Variants in NPAS3 observed in about 807,000 individuals in gnomAD.
NPAS3 encodes the protein neuronal PAS domain-containing protein 3.
A neutral mutation model predicts 73.1 loss-of-function variants in NPAS3; 14 were observed. The ratio of observed to expected loss-of-function variants is 0.19; its 90% CI spans 0.13 to 0.30. NPAS3 has a LOEUF of 0.30. Among genes scored for constraint, NPAS3 ranks in the 10% least tolerant of loss-of-function variants. The pLI, the probability that NPAS3 is intolerant of heterozygous loss-of-function variation, is 1.00. For missense variants in NPAS3, 1,096 were observed against 1,250.0 expected (o/e 0.88, Z 1.86); for synonymous variants, 620 against 541.5 (o/e 1.14, Z -2.01).
intron 9 of NPAS3, among the ~76,000 whole-genome samples, chr14:33,785,434 CAAAA>C (rs1223437695): frequency 0.021 from 1,575 of 75,360 alleles, 25 homozygotes; most frequent in African/African-American, 0.062. Flanking sequence ...GACTCCATCT[CAAAA>C]AAAAAAAAAA....
intron 2 of NPAS3, among the ~76,000 whole-genome samples, chr14:33,124,843 A>G (rs917737486): frequency 6.6e-6 from 1 of 152,094 alleles, no homozygotes; most frequent in East Asian, 1.9e-4. Flanking sequence ...GTGTTACAAG[A>G]AGAAAAGGGC....
Position 33,492,597 on chromosome 14 carries a change from TTTAGA to T in NPAS3, c.469-67523_469-67519del, listed in dbSNP as rs558378637. On this transcript the variant is annotated intron_variant, in intron 4 of 11. Transcript: ENST00000356141. ...TTCAAAGCAGTGGCCTTTCATCCCA[TTTAGA>T]ATGTAATATGTAAATAGGATACACA... Among the ~76,000 whole-genome samples the T allele has an allele frequency of 2.2e-4, 34 of 152,266 alleles. 3 individuals are homozygous for T. The highest frequency in any genetic ancestry group is 1.2e-4 in the African/African-American group (5 of 41,576).
At chr14:33,544,287 C>T (rs75836976) in intron 4 of NPAS3, among the ~76,000 whole-genome samples, 2,460 of 152,096 alleles carry the variant, frequency 0.016, 35 homozygotes, top group Middle Eastern at 0.041. Context: ...GGATTATAGG[C>T]ATGAGCCACT....
chr14:33,417,981 G>T (rs17101059), intron 4 of NPAS3, among the ~76,000 whole-genome samples: 26,330 of 151,848 alleles, frequency 0.17, 2,529 homozygotes, highest in Admixed American at 0.26. Context: ...CACGCTCATT[G>T]TTTTAGTGCT....
chr14:33,247,053 G>GA (rs939606064), intron 3 of NPAS3, among the ~76,000 whole-genome samples: 1 of 151,548 alleles, frequency 6.6e-6, no homozygotes, highest in Non-Finnish European at 1.5e-5. Context: ...AAGAAAGAAA[G>GA]AAAAAGAGAT....
chr14:33,320,806 G>A (rs1174665799), intron 3 of NPAS3, among the ~76,000 whole-genome samples: 1 of 152,174 alleles, frequency 6.6e-6, no homozygotes, highest in East Asian at 1.9e-4. Flanking sequence ...AGTAAGGCAT[G>A]TATTTGCTGA....
chr14:33,562,451 G>A (rs537012252), intron 5 of NPAS3, among the ~76,000 whole-genome samples: 1 of 152,280 alleles, frequency 6.6e-6, no homozygotes, highest in East Asian at 1.9e-4. Context: ...GGCAGAAACT[G>A]TCAAATATGC....
intron 5 of NPAS3, among the ~76,000 whole-genome samples, chr14:33,640,420 ACT>A (rs2058645890): frequency 6.6e-6 from 1 of 152,000 alleles, no homozygotes; most frequent in Non-Finnish European, 1.5e-5. Flanking sequence ...CATTTCTGAG[ACT>A]CTTTTATTCA....
chr14:33,572,100 CCTTTCA>C (rs1323040460), intron 5 of NPAS3, among the ~76,000 whole-genome samples: 1 of 152,012 alleles, frequency 6.6e-6, no homozygotes, highest in African/African-American at 2.4e-5. Flanking sequence ...ATTTCCCAAA[CCTTTCA>C]TAGGGTGGCT....
intron 2 of NPAS3, among the ~76,000 whole-genome samples, chr14:33,093,591 C>A (rs1025674556): frequency 1.3e-5 from 2 of 151,410 alleles, no homozygotes; most frequent in Non-Finnish European, 2.9e-5. Flanking sequence ...ACTAGAAATA[C>A]CATTTGACCC....
At chr14:33,754,509 A>G (rs1049505312) in intron 7 of NPAS3, among the ~76,000 whole-genome samples, 1 of 152,144 alleles carries the variant, frequency 6.6e-6, no homozygotes, top group Non-Finnish European at 1.5e-5. Context: ...TCAGCCTCAG[A>G]GTGCTGGCTC....
chr14:33,101,681 G>A (rs920156886), intron 2 of NPAS3, among the ~76,000 whole-genome samples: 1 of 152,030 alleles, frequency 6.6e-6, no homozygotes, highest in African/African-American at 2.4e-5. Flanking sequence ...TGGGATCTGA[G>A]CCAACACCAT....
intron 2 of NPAS3, among the ~76,000 whole-genome samples, chr14:33,183,528 C>A (rs2045880664): frequency 7.0e-6 from 1 of 142,254 alleles, no homozygotes. Flanking sequence ...AATCTAAGCC[C>A]AGGGCTTAAA....
At chr14:33,605,941 G>A (rs1282460254) in intron 5 of NPAS3, among the ~76,000 whole-genome samples, 1 of 152,128 alleles carries the variant, frequency 6.6e-6, no homozygotes, top group Non-Finnish European at 1.5e-5. Context: ...AACAAAGTTT[G>A]AGGACTGACA....
upstream of NPAS3, among the ~76,000 whole-genome samples, chr14:32,935,387 AG>A (rs1660713862): frequency 6.6e-6 from 1 of 152,190 alleles, no homozygotes; most frequent in South Asian, 2.1e-4. Context: ...ACGGACAGCT[AG>A]GGGGGCAATT....
At chr14:33,691,839 A>T (rs556184171) in intron 6 of NPAS3, among the ~76,000 whole-genome samples, 64 of 152,290 alleles carry the variant, frequency 4.2e-4, no homozygotes, top group Admixed American at 1.1e-3. Flanking sequence ...AAATTTTTTT[A>T]AAATAGATAA....
chr14:33,516,810 G>A (rs2053322324), intron 4 of NPAS3, among the ~76,000 whole-genome samples: 1 of 152,072 alleles, frequency 6.6e-6, no homozygotes, highest in Non-Finnish European at 1.5e-5. Context: ...TTCTCATAAA[G>A]CATTCCTATG....
intron 4 of NPAS3, among the ~76,000 whole-genome samples, chr14:33,436,355 G>A (rs987538380): frequency 2.0e-5 from 3 of 152,168 alleles, no homozygotes; most frequent in Non-Finnish European, 2.9e-5. Flanking sequence ...CTAATTAAGG[G>A]GATCAAGGGG....
chr14:33,408,484 C>T (rs1238624621), intron 4 of NPAS3, among the ~76,000 whole-genome samples: 2 of 151,958 alleles, frequency 1.3e-5, no homozygotes, highest in Non-Finnish European at 2.9e-5. Context: ...GCCAAACATC[C>T]TTTTATGATC....
Sources: allele counts gnomAD v4.1 joint callset (sites outside exome capture counted in the v4.1 genomes callset), GRCh38; gene constraint gnomAD v4.1.1; transcripts MANE v1.5; gene names NCBI Gene and HGNC (gene_info 2026-07-23, HGNC 2026-07-21).